RAD23A: variants seen among roughly 807,000 people sequenced by gnomAD.
The protein encoded by RAD23A is RAD23 nucleotide excision repair protein A.
RAD23A carries 16 observed loss-of-function variants against 44.8 expected under a neutral mutation model. That is an observed-to-expected ratio of 0.36 (90% confidence interval 0.24 to 0.54). RAD23A has a LOEUF of 0.54. Among genes scored for constraint, RAD23A ranks in the 20% least tolerant of loss-of-function variants. The pLI is 0.89. For synonymous variants in RAD23A, 217 were observed against 202.9 expected, an observed-to-expected ratio of 1.07 and a Z score of -0.59; for missense variants, 380 against 483.3, an observed-to-expected ratio of 0.79 and a Z score of 2.00.
In RAD23A at chr19:12,948,770, C is replaced by T; in HGVS notation, c.557C>T (p.Ala186Val). The T allele has an allele frequency of 6.2e-7, 1 of 1,613,236 alleles. No homozygotes were observed. ...ERERVVAALR[A>V]SYNNPHRAVE... is the part of the protein sequence containing the mutation. The stretch of plus-strand genomic sequence containing the variant: ...GAGCGGGTCGTGGCCGCCCTGAGAG[C>T]CAGCTACAACAACCCCCACCGAGCC... Residue 186 changes from alanine to valine, a missense_variant, in exon 5 of 9, where the codon GCC becomes GTC. Transcript: ENST00000586534. This position sits in a 1 kb window ranked among gnomAD's most constrained non-coding sequence, Gnocchi z 5.5.
chr19:12,949,446 C>T, intron 7 of RAD23A, 38 bp downstream of exon 7: 1 of 1,599,146 alleles, frequency 6.3e-7, no homozygotes. Context: ...GGGCAGCCAC[C>T]ATTTCCCTTC....
chr19:12,948,150 C>G lies in RAD23A; in HGVS notation c.235-27C>G, dbSNP rs1294049759. ...GTTGGGTCTGATAGGGTTGCTGATG[C>G]CAGCTCCCTTTTTCTTGCTGTTGCA... On this transcript the variant is annotated intron_variant, in intron 2 of 8. Transcript: ENST00000586534. The surrounding 1 kb of genome is among the most constrained non-coding windows in gnomAD (Gnocchi z 5.5). The G allele has an allele frequency of 2.5e-6, 4 of 1,613,692 alleles. No homozygotes were observed. The highest frequency in any genetic ancestry group is 2.5e-6 in the Non-Finnish European group (3 of 1,179,828).
At chr19:12,952,244 G>T in intron 7 of RAD23A, 1 of 164,390 alleles carries the variant, frequency 6.1e-6, no homozygotes, top group Admixed American at 5.7e-5. Flanking sequence ...GTCTTGCTCT[G>T]TTGCCCAGGC....
At chr19:12,949,986 C>G (rs192928348) in intron 7 of RAD23A, among the ~76,000 whole-genome samples, 1 of 151,976 alleles carries the variant, frequency 6.6e-6, no homozygotes, top group Non-Finnish European at 1.5e-5. Context: ...CTTCTCAGTC[C>G]CTTGCCAGCT....
At chr19:12,952,505 A>G in intron 7 of RAD23A, 184 bp from the exon 8 acceptor site, 1 of 678,546 alleles carries the variant, frequency 1.5e-6, no homozygotes, top group East Asian at 3.1e-5. Context: ...TTCTTGGCTC[A>G]CTTAAAAGCA....
intron 1 of RAD23A, 103 bp downstream of exon 1, chr19:12,946,123 C>G: frequency 1.7e-6 from 2 of 1,174,336 alleles, no homozygotes; most frequent in Non-Finnish European, 2.4e-6. Context: ...GAGGACGGCG[C>G]GGGTCGGCCC....
rs148708384 is a variant in RAD23A at position 12,949,151 on chromosome 19, C to T, written c.671C>T (p.Thr224Met). The change falls in exon 6 of 9, where the codon ACG (threonine) becomes ATG (methionine). Residue 224 changes from threonine (T) to methionine (M), a missense_variant. Physicochemically the swap from Thr to Met is moderately conservative, Grantham distance 81. Around this residue, in one of 3 missense-constraint regions of RAD23A, gnomAD observed 279 missense variants for 313.7 expected, o/e 0.89. Transcript: ENST00000586534. ...AGCCAGGTATCGGAGCAGCCGGCCA[C>T]GGAAGCAGGTGGGTGTGCACATGCC... ...QESQVSEQPA[T>M]EAAGENPLEF... The T allele has an allele frequency of 4.8e-5, 78 of 1,613,942 alleles. No individual in the cohort carries two copies. In the Admixed American group the frequency reaches 5.8e-4, roughly 12 times the overall value.
At position 12,949,177 on chromosome 19, in the gene RAD23A, G is replaced by A. The variant is rs1026450091; in HGVS notation, c.679+18G>A. 1.9e-5 allele frequency: 31 copies of A among 1,613,918 alleles called. No homozygotes were observed. The highest frequency in any genetic ancestry group is 3.3e-4 in the Middle Eastern group (2 of 6,084). On this transcript the variant is annotated intron_variant, in intron 6 of 8. Transcript: ENST00000586534. The stretch of plus-strand genomic sequence containing the variant: ...GGAAGCAGGTGGGTGTGCACATGCC[G>A]CATCTGCCCTCCAGGTACCTGACTC...
chr19:12,951,618 A>G (rs1971814426), intron 7 of RAD23A, among the ~76,000 whole-genome samples: 1 of 151,616 alleles, frequency 6.6e-6, no homozygotes, highest in African/African-American at 2.4e-5. Context: ...TGCTAATTTT[A>G]TATTTTTAGT....
Position 12,953,170 on chromosome 19 carries a change from T to TA in RAD23A, c.*128dup, listed in dbSNP as rs971153618. 41 of 725,326 alleles carry TA rather than the reference T, an allele frequency of 5.7e-5. No homozygotes were observed. In the African/African-American group the frequency reaches 6.3e-4, roughly 11 times the overall value. The allele number at this position is 725,326 out of a possible 1,614,324, so 44.9% of individuals were successfully genotyped here. ...AAATGGAAAAAAAAATCAAAAATCTTAAAAAAACAAGCAAACAGTCCAGCT... is the reference window on the plus strand; with the variant it reads ...AAATGGAAAAAAAAATCAAAAATCTTAAAAAAAACAAGCAAACAGTCCAGCT... On this transcript the variant is annotated 3_prime_UTR_variant, in exon 9 of 9. Transcript: ENST00000586534.
At chr19:12,950,424 A>G (rs1971778374) in intron 7 of RAD23A, among the ~76,000 whole-genome samples, 1 of 150,218 alleles carries the variant, frequency 6.7e-6, no homozygotes, top group African/African-American at 2.5e-5. Flanking sequence ...TTTTTTTTTG[A>G]GAGGAAATCT....
chr19:12,949,439 C>A, intron 7 of RAD23A, 31 bp downstream of exon 7: 1 of 1,601,844 alleles, frequency 6.2e-7, no homozygotes, highest in Non-Finnish European at 8.5e-7. Context: ...GGAGCTAGGG[C>A]AGCCACCATT....
In RAD23A at chr19:12,945,935, G is replaced by A; in HGVS notation, c.-14G>A. 6.2e-7 allele frequency: 1 copy of A among 1,606,318 alleles called. No individual in the cohort carries two copies. The highest frequency in any genetic ancestry group is 8.5e-7 in the Non-Finnish European group (1 of 1,177,810). On this transcript the variant is annotated 5_prime_UTR_variant, in exon 1 of 9. Coordinates refer to ENST00000586534, the MANE Select transcript of RAD23A (RefSeq NM_005053.4). ...GTGAGGATCCCGGGGCCGCCGCGTC[G>A]CTCGGGCCCCGCCATGGCCGTCACC...
chr19:12,948,497 C>A lies in RAD23A; in HGVS notation c.417C>A (p.Gly139=), dbSNP rs771519657. 6.3e-7 allele frequency: 1 copy of A among 1,587,072 alleles called. No individual in the cohort carries two copies. Among genetic ancestry groups the A allele is most frequent in the Admixed American group, 1.8e-5 (1 of 54,602 alleles). ...APTTSPESVS[G]SVPSSGSSGR... is the part of the protein sequence containing the mutation. ...CGATTTCTCTCTCTTGAATTTGCAG[C>A]TCTGTTCCCTCTTCAGGTAGCAGCG... Residue 139 remains glycine, a splice_region_variant and synonymous_variant, in exon 4 of 9, where the codon GGC becomes GGA. Coordinates refer to ENST00000586534, the MANE Select transcript of RAD23A (RefSeq NM_005053.4). The surrounding 1 kb of genome is among the most constrained non-coding windows in gnomAD (Gnocchi z 5.5).
Position 12,946,014 on chromosome 19 carries a change from C to G in RAD23A, c.66C>G (p.Asp22Glu), listed in dbSNP as rs771137182. 6.7e-7 allele frequency: 1 copy of G among 1,496,610 alleles called. No individual in the cohort carries two copies. The highest frequency in any genetic ancestry group is 9.0e-7 in the Non-Finnish European group (1 of 1,114,074). 92.7% of individuals were successfully genotyped at this position (1,496,610 alleles called of 1,614,324 possible). The change falls in exon 1 of 9, where the codon GAC (aspartate) becomes GAG (glutamate). Residue 22 changes from aspartate to glutamate, a missense_variant. By Grantham distance (45) the Asp-to-Glu change is conservative. Transcript: ENST00000586534. Reference sequence around the variant, plus strand: ...CCTTCAAGATCCGCATGGAGCCTGACGAGACGGTGCGGGCCGGGCCGGAGC... The same window carrying G: ...CCTTCAAGATCCGCATGGAGCCTGAGGAGACGGTGCGGGCCGGGCCGGAGC... ...QQTFKIRMEPDETVKVLKEKI... is the reference protein window; with the variant it reads ...QQTFKIRMEPEETVKVLKEKI...
At chr19:12,950,342 T>C (rs1317408623) in intron 7 of RAD23A, among the ~76,000 whole-genome samples, 1 of 152,068 alleles carries the variant, frequency 6.6e-6, no homozygotes, top group African/African-American at 2.4e-5. Flanking sequence ...TTCCTGGGCC[T>C]CTGCCACTGC....
In RAD23A at chr19:12,949,372, C is replaced by T. The variant is rs1373780394; in HGVS notation, c.777C>T (p.Leu259=). ...QQNPALLPAL[L]QQLGQENPQL... ...ACCCTGCGCTGCTGCCCGCCCTGCT[C>T]CAGCAGCTGGGCCAGGAGAACCCTC... Residue 259 remains leucine, a synonymous_variant, in exon 7 of 9, where the codon CTC becomes CTT. Transcript: ENST00000586534. 1.2e-6 allele frequency: 2 copies of T among 1,614,000 alleles called. No individual in the cohort carries two copies. Among genetic ancestry groups the T allele is most frequent in the East Asian group, 4.5e-5 (2 of 44,878 alleles).
At chr19:12,946,198 C>T (rs1599665656) in intron 1 of RAD23A, among the ~76,000 whole-genome samples, 178 bp downstream of exon 1, 1 of 152,340 alleles carries the variant, frequency 6.6e-6, no homozygotes, top group Non-Finnish European at 1.5e-5. Flanking sequence ...CAGCCCCCAG[C>T]CGATCGGGCG....
intron 7 of RAD23A, among the ~76,000 whole-genome samples, chr19:12,950,121 C>T (rs184705236): frequency 9.2e-5 from 14 of 152,312 alleles, no homozygotes; most frequent in Admixed American, 5.2e-4. Context: ...TGCCACACTC[C>T]ATGGCTGGCT....
Sources: gnomAD v4.1 joint callset for allele counts (sites outside exome capture counted in the v4.1 genomes callset) on GRCh38, gnomAD v4.1.1 for gene constraint, gnomAD v4.1.1 regional missense constraint, Gnocchi (gnomAD v3.1) non-coding constraint, MANE v1.5 for transcripts, NCBI Gene and HGNC (gene_info 2026-07-23, HGNC 2026-07-21) for gene names.